Variants in SLC35F4 observed in about 807,000 individuals in gnomAD.
SLC35F4 encodes the protein chromosome 14 open reading frame 36.
A neutral mutation model predicts 44.2 loss-of-function variants in SLC35F4; 24 were observed. The observed-to-expected ratio is 0.54, with a 90% CI of 0.39 to 0.76. SLC35F4 has a LOEUF of 0.76. Ranked by LOEUF, SLC35F4 falls within the 30% of genes least tolerant of loss-of-function variation. The probability of loss-of-function intolerance (pLI) is 0.00; values close to 1 mark genes in which losing one functional copy is unlikely to be tolerated. For synonymous variants in SLC35F4, 238 were observed against 223.6 expected, an observed-to-expected ratio of 1.06 and a Z score of -0.57; for missense variants, 562 against 586.1, an observed-to-expected ratio of 0.96 and a Z score of 0.42.
chr14:57,974,702 A>G (rs758066759), downstream of SLC35F4, among the ~76,000 whole-genome samples: 6 of 152,218 alleles, frequency 3.9e-5, no homozygotes, highest in Non-Finnish European at 4.4e-5. Flanking sequence ...ACTGATGGTG[A>G]TACCTTTAAG....
chr14:57,820,921 A>T (rs189854297), intron 1 of SLC35F4, among the ~76,000 whole-genome samples: 3 of 152,256 alleles, frequency 2.0e-5, no homozygotes, highest in Non-Finnish European at 2.9e-5. Context: ...TGTTAACAAA[A>T]AGAGAAAGCT....
chr14:57,908,693 A>G (rs1595282255), intron 1 of SLC35F4, among the ~76,000 whole-genome samples: 1 of 152,320 alleles, frequency 6.6e-6, no homozygotes, highest in East Asian at 1.9e-4. Flanking sequence ...GCCATTTGGC[A>G]GATGGATAGA....
chr14:57,912,525 C>A (rs527809689), intron 1 of SLC35F4, among the ~76,000 whole-genome samples: 172 of 151,902 alleles, frequency 1.1e-3, no homozygotes, highest in African/African-American at 4.1e-3. Flanking sequence ...TGCCTTTGAC[C>A]CATGTGTCAT....
intron 4 of SLC35F4, among the ~76,000 whole-genome samples, chr14:57,579,816 C>T (rs2069112660): frequency 6.6e-6 from 1 of 152,164 alleles, no homozygotes; most frequent in South Asian, 2.1e-4. Context: ...TGGAAGGTCC[C>T]CACCCTTGGC....
intron 1 of SLC35F4, among the ~76,000 whole-genome samples, chr14:57,638,639 C>T (rs1440336646): frequency 6.6e-6 from 1 of 152,070 alleles, no homozygotes; most frequent in Non-Finnish European, 1.5e-5. Context: ...TGTGATTTTT[C>T]AGTCGACATG....
chr14:57,963,941 T>C (rs1398405373), intron 1 of SLC35F4, among the ~76,000 whole-genome samples: 2 of 151,948 alleles, frequency 1.3e-5, no homozygotes. Context: ...CAGGCTATTC[T>C]CAAACTCCTG....
intron 1 of SLC35F4, among the ~76,000 whole-genome samples, chr14:57,901,892 A>G (rs74440418): frequency 0.072 from 11,027 of 152,150 alleles, 530 homozygotes; most frequent in Non-Finnish European, 0.11. Context: ...ATAAGATGCA[A>G]AGCCAGAATT....
chr14:57,931,197 C>T (rs1889690251), intron 1 of SLC35F4, among the ~76,000 whole-genome samples: 1 of 152,170 alleles, frequency 6.6e-6, no homozygotes, highest in Non-Finnish European at 1.5e-5. Context: ...AGTCCAATGC[C>T]ACTTCTAGTA....
intron 1 of SLC35F4, among the ~76,000 whole-genome samples, chr14:57,900,226 G>A (rs1002769786): frequency 6.6e-6 from 1 of 152,172 alleles, no homozygotes; most frequent in African/African-American, 2.4e-5. Context: ...AAGTCCAGCT[G>A]GCTTCACCTC....
chr14:57,664,154 G>A (rs2074231210), intron 1 of SLC35F4, among the ~76,000 whole-genome samples: 1 of 152,132 alleles, frequency 6.6e-6, no homozygotes, highest in African/African-American at 2.4e-5. Flanking sequence ...ATCTGCTGAT[G>A]GCCATGCAGT....
intron 1 of SLC35F4, among the ~76,000 whole-genome samples, chr14:57,740,731 A>T (rs2076585194): frequency 6.6e-6 from 1 of 152,364 alleles, no homozygotes; most frequent in Non-Finnish European, 1.5e-5. Context: ...TTTACAGATC[A>T]TATGAATATA....
At chr14:57,874,769 T>C (rs1195353111) in intron 1 of SLC35F4, among the ~76,000 whole-genome samples, 2 of 152,194 alleles carry the variant, frequency 1.3e-5, no homozygotes, top group Non-Finnish European at 2.9e-5. Context: ...GCTTCTCTTC[T>C]TATCCTTCTT....
At chr14:57,685,924 C>T (rs1455111056) in intron 1 of SLC35F4, among the ~76,000 whole-genome samples, 1 of 152,162 alleles carries the variant, frequency 6.6e-6, no homozygotes, top group East Asian at 1.9e-4. Flanking sequence ...TAACCATGTT[C>T]ATTTGAACTA....
Position 57,843,473 on chromosome 14 carries a change from T to C in SLC35F4, c.103+22250A>G, listed in dbSNP as rs908611810. Among the ~76,000 whole-genome samples the C allele has an allele frequency of 1.8e-4, 27 of 152,166 alleles. 1 individual carries two copies. Among genetic ancestry groups the C allele is most frequent in the African/African-American group, 6.5e-4 (27 of 41,524 alleles). ...GAGTGCTGAGAAGGGAGTCTTTCAT[T>C]TCTACTTGGCAAAGCACCCAAAGGA... On this transcript the variant is annotated intron_variant, in intron 1 of 7. Coordinates refer to ENST00000556826, the MANE Select transcript of SLC35F4 (RefSeq NM_001306087.2).
chr14:57,617,834 C>T (rs1157088170), intron 1 of SLC35F4, among the ~76,000 whole-genome samples: 2 of 152,324 alleles, frequency 1.3e-5, no homozygotes, highest in Non-Finnish European at 1.5e-5. Context: ...CTGGGACTTA[C>T]TGAATGCCAT....
chr14:57,679,250 C>T (rs112136943), intron 1 of SLC35F4, among the ~76,000 whole-genome samples: 11 of 151,906 alleles, frequency 7.2e-5, no homozygotes, highest in African/African-American at 2.2e-4. Flanking sequence ...ACACGGAAAC[C>T]GAACAACCTG....
intron 1 of SLC35F4, among the ~76,000 whole-genome samples, chr14:57,916,873 A>G (rs1211229009): frequency 6.6e-6 from 1 of 152,152 alleles, no homozygotes; most frequent in Non-Finnish European, 1.5e-5. Flanking sequence ...TCTATTGTCA[A>G]TCCTCAAGCT....
intron 1 of SLC35F4, among the ~76,000 whole-genome samples, chr14:57,777,729 T>A (rs139212626): frequency 6.6e-6 from 1 of 152,168 alleles, no homozygotes; most frequent in Non-Finnish European, 1.5e-5. Flanking sequence ...TGTATACCTA[T>A]GTAACAAATC....
intron 1 of SLC35F4, among the ~76,000 whole-genome samples, chr14:57,932,505 T>C (rs1476335374): frequency 6.6e-6 from 1 of 152,204 alleles, no homozygotes; most frequent in East Asian, 1.9e-4. Context: ...GGAGGTGATA[T>C]GAATCATTCA....
Sources: gnomAD v4.1 joint callset for allele counts (sites outside exome capture counted in the v4.1 genomes callset) on GRCh38, gnomAD v4.1.1 for gene constraint, MANE v1.5 for transcripts, NCBI Gene and HGNC (gene_info 2026-07-23, HGNC 2026-07-21) for gene names.